Variants in ARHGAP24 observed in about 807,000 individuals in gnomAD.
The protein encoded by ARHGAP24 is Rho GTPase activating protein 24.
Under a neutral mutation model 76.4 loss-of-function variants are expected in ARHGAP24, and 50 were observed. That is an observed-to-expected ratio of 0.65 (90% confidence interval 0.52 to 0.83). The LOEUF is 0.83. ARHGAP24 is among the 40% of genes least tolerant of loss of function. ARHGAP24 has a pLI of 0.00. For synonymous variants in ARHGAP24, 345 were observed against 323.3 expected, an observed-to-expected ratio of 1.07 and a Z score of -0.72; for missense variants, 930 against 914.2, an observed-to-expected ratio of 1.02 and a Z score of -0.22.
intron 3 of ARHGAP24, among the ~76,000 whole-genome samples, chr4:85,880,519 TTGTGTGTGTGTGTG>T (rs58530817): frequency 6.6e-6 from 1 of 150,656 alleles, no homozygotes; most frequent in Non-Finnish European, 1.5e-5. Context: ...TGCATAACTT[TTGTGTGTGTGTGTG>T]TGTGTGTGTG....
intron 2 of ARHGAP24, among the ~76,000 whole-genome samples, chr4:85,659,605 T>TA (rs899186223): frequency 7.9e-5 from 12 of 152,330 alleles, no homozygotes; most frequent in African/African-American, 2.6e-4. Flanking sequence ...GATATAATTT[T>TA]AGTCTTAGAA....
At chr4:85,828,509 G>A (rs940376769) in intron 3 of ARHGAP24, among the ~76,000 whole-genome samples, 4 of 149,448 alleles carry the variant, frequency 2.7e-5, no homozygotes, top group Admixed American at 6.7e-5. Flanking sequence ...GTGTGTCTGC[G>A]TGTGTGTTTT....
At chr4:85,967,136 T>C (rs1172754425) in intron 5 of ARHGAP24, among the ~76,000 whole-genome samples, 2 of 152,100 alleles carry the variant, frequency 1.3e-5, no homozygotes, top group African/African-American at 4.8e-5. Context: ...AGGCCTATGT[T>C]GCACCTAGAT....
chr4:85,665,937 C>T (rs1722598672), intron 2 of ARHGAP24, among the ~76,000 whole-genome samples: 1 of 152,198 alleles, frequency 6.6e-6, no homozygotes, highest in African/African-American at 2.4e-5. Context: ...TTCTCTCTGG[C>T]TGCCCTTAAC....
chr4:85,544,520 A>G (rs1725828036), intron 1 of ARHGAP24, among the ~76,000 whole-genome samples: 1 of 152,164 alleles, frequency 6.6e-6, no homozygotes, highest in African/African-American at 2.4e-5. Context: ...AAAAATGTAC[A>G]TTCATGTTCT....
intron 8 of ARHGAP24, among the ~76,000 whole-genome samples, chr4:85,989,700 T>C (rs988505484): frequency 5.3e-5 from 8 of 151,836 alleles, no homozygotes; most frequent in Non-Finnish European, 8.9e-5. Context: ...CAGTGGGGTT[T>C]ATCCCAGGAA....
At chr4:85,975,527 T>TAGAAAAATAATTGTGCC (rs1233638289) in intron 7 of ARHGAP24, 1 of 152,904 alleles carries the variant, frequency 6.5e-6, no homozygotes, top group Non-Finnish European at 1.5e-5. Context: ...TGAATTCTGT[T>TAGAAAAATAATTGTGCC]AGAAAAATAA....
intron 1 of ARHGAP24, among the ~76,000 whole-genome samples, chr4:85,536,404 T>C (rs1725472938): frequency 1.3e-5 from 2 of 152,150 alleles, no homozygotes; most frequent in South Asian, 4.1e-4. Context: ...ATAAATGATT[T>C]TCTTTTCAGA....
At chr4:85,994,479 A>C in intron 8 of ARHGAP24, 104 bp from the exon 9 acceptor site, 1 of 1,131,738 alleles carries the variant, frequency 8.8e-7, no homozygotes, top group Non-Finnish European at 1.3e-6. Flanking sequence ...TACTGATAAT[A>C]ATAATGAATG....
rs1193949593 is a variant in ARHGAP24 at position 85,504,639 on chromosome 4, A to G, written c.-21+29080A>G. On this transcript the variant is annotated intron_variant, in intron 1 of 9. Transcript: ENST00000395184. ...TCTGCACATGAGACGGGTCTCCTGA[A>G]TACAGCACACTGATGGGTCTTGACT... 3.3e-5 allele frequency among the ~76,000 whole-genome samples: 5 copies of G among 152,304 alleles called. No individual in the cohort carries two copies. The East Asian group carries it at 9.6e-4, about 29-fold the overall frequency.
At chr4:85,932,119 C>T (rs935494484) in intron 4 of ARHGAP24, among the ~76,000 whole-genome samples, 1 of 152,162 alleles carries the variant, frequency 6.6e-6, no homozygotes, top group Non-Finnish European at 1.5e-5. Context: ...CATATATTAT[C>T]AGCAAGGATT....
At chr4:85,822,570 A>G (rs1430733347) in intron 3 of ARHGAP24, among the ~76,000 whole-genome samples, 1 of 152,154 alleles carries the variant, frequency 6.6e-6, no homozygotes, top group Admixed American at 6.6e-5. Context: ...CCAAACCAAT[A>G]TATGTTGCTG....
intron 3 of ARHGAP24, among the ~76,000 whole-genome samples, chr4:85,830,193 T>C (rs1729920169): frequency 6.6e-6 from 1 of 152,214 alleles, no homozygotes; most frequent in Non-Finnish European, 1.5e-5. Flanking sequence ...CTCACTAAGT[T>C]CTTCATTTGC....
At chr4:85,514,990 G>C (rs1724438671) in intron 1 of ARHGAP24, among the ~76,000 whole-genome samples, 1 of 152,118 alleles carries the variant, frequency 6.6e-6, no homozygotes, top group Admixed American at 6.5e-5. Flanking sequence ...GCCAGTGAAG[G>C]GTGCTTACGG....
intron 4 of ARHGAP24, among the ~76,000 whole-genome samples, chr4:85,940,659 C>A (rs1420580020): frequency 6.6e-6 from 1 of 152,120 alleles, no homozygotes; most frequent in Admixed American, 6.6e-5. Flanking sequence ...AATCTACAAA[C>A]CAAGCTAACT....
chr4:85,629,070 G>T (rs1487307513), intron 2 of ARHGAP24, among the ~76,000 whole-genome samples: 1 of 152,096 alleles, frequency 6.6e-6, no homozygotes, highest in Admixed American at 6.6e-5. Flanking sequence ...GTGATGTGAT[G>T]ATTCTTTTTG....
rs1251676283 is a variant in ARHGAP24, at chr4:85,646,209, A to G, written c.180+75488A>G. Reference sequence around the variant, plus strand: ...ATTATTTTAACATCAAATAAAGATTAATAATAAATTATAGTAATTTAGTCA... The same window carrying G: ...ATTATTTTAACATCAAATAAAGATTGATAATAAATTATAGTAATTTAGTCA... On this transcript the variant is annotated intron_variant, in intron 2 of 9. Coordinates refer to ENST00000395184, the MANE Select transcript of ARHGAP24 (RefSeq NM_001025616.3). 7.2e-5 allele frequency among the ~76,000 whole-genome samples: 11 copies of G among 152,210 alleles called. 1 individual carries two copies. The South Asian group carries it at 2.1e-3, about 29-fold the overall frequency.
intron 1 of ARHGAP24, among the ~76,000 whole-genome samples, chr4:85,547,861 G>T (rs750840374): frequency 3.7e-4 from 57 of 152,178 alleles, no homozygotes; most frequent in Admixed American, 1.4e-3. Flanking sequence ...TCTTTTTTCT[G>T]TCAAACTTCT....
chr4:85,894,230 A>G (rs895828054), intron 3 of ARHGAP24, among the ~76,000 whole-genome samples: 2 of 152,128 alleles, frequency 1.3e-5, no homozygotes, highest in Non-Finnish European at 2.9e-5. Flanking sequence ...AAAAGAGAGA[A>G]GAGAGGGAGA....
Sources: allele counts gnomAD v4.1 joint callset (sites outside exome capture counted in the v4.1 genomes callset), GRCh38; gene constraint gnomAD v4.1.1; transcripts MANE v1.5; gene names NCBI Gene and HGNC (gene_info 2026-07-23, HGNC 2026-07-21).